Variants in CCDC172 observed in about 807,000 individuals in gnomAD.
CCDC172 encodes the protein coiled-coil domain containing 172, also known as coiled-coil domain-containing protein 172.
In CCDC172, 30 loss-of-function variants were observed where a neutral mutation model predicts 38.0. That is an observed-to-expected ratio of 0.79 (90% CI 0.59 to 1.07). The LOEUF is 1.07. Ranked by LOEUF, CCDC172 falls within the 50% of genes least tolerant of loss-of-function variation. The pLI, the probability that CCDC172 is intolerant of heterozygous loss-of-function variation, is 0.00. For synonymous variants in CCDC172, 78 were observed against 88.3 expected (o/e 0.88, Z 0.66); for missense variants, 297 against 290.1 (o/e 1.02, Z -0.17).
chr10:116,357,693 A>G, intron 6 of CCDC172, 143 bp from the exon 7 acceptor site: 1 of 662,268 alleles, frequency 1.5e-6, no homozygotes, highest in Non-Finnish European at 2.4e-6. Context: ...TGTAATTGCT[A>G]TATTAAAGTA....
At chr10:116,325,950 G>C (rs1457479658) in intron 3 of CCDC172, among the ~76,000 whole-genome samples, 2 of 152,180 alleles carry the variant, frequency 1.3e-5, no homozygotes, top group African/African-American at 2.4e-5. Flanking sequence ...ATAGAATTTT[G>C]AAGAGGCAAA....
At chr10:116,355,126 G>A (rs1015337340) in intron 5 of CCDC172, among the ~76,000 whole-genome samples, 4 of 152,090 alleles carry the variant, frequency 2.6e-5, no homozygotes, top group Non-Finnish European at 5.9e-5. Context: ...AGCAGTGTAC[G>A]GTAATGTCGT....
At chr10:116,336,656 A>G (rs1377642166) in intron 3 of CCDC172, among the ~76,000 whole-genome samples, 1 of 152,072 alleles carries the variant, frequency 6.6e-6, no homozygotes, top group Admixed American at 6.6e-5. Context: ...GGTTTTAGGT[A>G]TGTGAAATTT....
chr10:116,324,760 T>A (rs1356108041), intron 1 of CCDC172, 147 bp downstream of exon 1: 7 of 504,584 alleles, frequency 1.4e-5, no homozygotes, highest in Non-Finnish European at 2.5e-5. Context: ...GTTTGTAAAC[T>A]GTAACGGGAA....
At chr10:116,371,455 T>G (rs1845184624) in intron 7 of CCDC172, among the ~76,000 whole-genome samples, 1 of 151,906 alleles carries the variant, frequency 6.6e-6, no homozygotes, top group Non-Finnish European at 1.5e-5. Flanking sequence ...AATATTTTAT[T>G]TATAATTTTT....
chr10:116,331,200 T>G (rs903212430), intron 3 of CCDC172, among the ~76,000 whole-genome samples: 6 of 152,166 alleles, frequency 3.9e-5, no homozygotes, highest in African/African-American at 1.4e-4. Flanking sequence ...GTTTAAAAAT[T>G]TTTCAGTTTT....
At chr10:116,350,847 G>A (rs1844922505) in intron 5 of CCDC172, among the ~76,000 whole-genome samples, 1 of 151,874 alleles carries the variant, frequency 6.6e-6, no homozygotes, top group African/African-American at 2.4e-5. Flanking sequence ...TTTAGGCCGT[G>A]GAAGAAATTA....
At chr10:116,379,247 T>C in intron 8 of CCDC172, 76 bp from the exon 9 acceptor site, 4 of 743,452 alleles carry the variant, frequency 5.4e-6, no homozygotes, top group Middle Eastern at 7.2e-4. Flanking sequence ...TGTCATTAAA[T>C]TTAGGTACAT....
intron 5 of CCDC172, among the ~76,000 whole-genome samples, chr10:116,342,889 T>C (rs1844813622): frequency 6.6e-6 from 1 of 152,134 alleles, no homozygotes; most frequent in African/African-American, 2.4e-5. Flanking sequence ...ACCACGATTT[T>C]AAGTTTTCTG....
rs1161300786 is a variant in CCDC172 at position 116,378,461 on chromosome 10, T to C, written c.692T>C (p.Met231Thr). The C allele has an allele frequency of 3.7e-6, 6 of 1,603,806 alleles. No individual in the cohort carries two copies. Among genetic ancestry groups the C allele is most frequent in the Non-Finnish European group, 5.1e-6 (6 of 1,176,324 alleles). Reference sequence around the variant, plus strand: ...TTAGAACTTTATAAGGAAGATGACATGGAAAGTGTTTATGAAGCTCTCCAA... The same window carrying C: ...TTAGAACTTTATAAGGAAGATGACACGGAAAGTGTTTATGAAGCTCTCCAA... ...KELELYKEDD[M>T]ESVYEALQTE... The change falls in exon 8 of 9, where the codon ATG (methionine) becomes ACG (threonine). Residue 231 changes from methionine (M) to threonine (T), a missense_variant. Transcript: ENST00000333254.
intron 7 of CCDC172, among the ~76,000 whole-genome samples, chr10:116,375,324 C>T (rs967198641): frequency 2.8e-4 from 43 of 151,984 alleles, no homozygotes; most frequent in African/African-American, 9.6e-4. Flanking sequence ...ACTTTAAGTT[C>T]TGGGGTACAT....
chr10:116,329,411 AT>A (rs1166262874), intron 3 of CCDC172, among the ~76,000 whole-genome samples: 1 of 152,022 alleles, frequency 6.6e-6, no homozygotes, highest in African/African-American at 2.4e-5. Flanking sequence ...TCTGCTTGAA[AT>A]GCTGATTCCA....
intron 5 of CCDC172, among the ~76,000 whole-genome samples, chr10:116,347,969 C>G (rs1202578937): frequency 6.6e-6 from 1 of 151,998 alleles, no homozygotes; most frequent in Non-Finnish European, 1.5e-5. Flanking sequence ...TCTTAGTCTT[C>G]TAATGTATTA....
intron 5 of CCDC172, among the ~76,000 whole-genome samples, chr10:116,350,549 A>T (rs1428834414): frequency 6.6e-6 from 1 of 152,232 alleles, no homozygotes; most frequent in Non-Finnish European, 1.5e-5. Context: ...TTGGTAATTC[A>T]TAGATAAAAC....
At chr10:116,361,309 C>T (rs1478837952) in intron 7 of CCDC172, among the ~76,000 whole-genome samples, 4 of 151,946 alleles carry the variant, frequency 2.6e-5, no homozygotes, top group Non-Finnish European at 5.9e-5. Context: ...TTACCCAACA[C>T]GAGGTTTACC....
chr10:116,353,070 G>A (rs1020166838), intron 5 of CCDC172, among the ~76,000 whole-genome samples: 3 of 152,002 alleles, frequency 2.0e-5, no homozygotes, highest in African/African-American at 7.2e-5. Context: ...GTGGGCGCCT[G>A]TAGTCCCAGC....
intron 3 of CCDC172, among the ~76,000 whole-genome samples, chr10:116,329,861 T>C (rs575915904): frequency 1.2e-4 from 18 of 152,326 alleles, no homozygotes; most frequent in African/African-American, 3.8e-4. Context: ...AATGTTTTGA[T>C]TGAAGTGTCA....
At chr10:116,337,579 T>C (rs1047068575) in intron 3 of CCDC172, among the ~76,000 whole-genome samples, 14 of 152,226 alleles carry the variant, frequency 9.2e-5, no homozygotes, top group African/African-American at 3.1e-4. Flanking sequence ...GTCTGTATTC[T>C]TTTGGGATCT....
intron 4 of CCDC172, among the ~76,000 whole-genome samples, chr10:116,341,238 C>G (rs1328754699): frequency 2.0e-5 from 3 of 151,898 alleles, no homozygotes; most frequent in African/African-American, 7.2e-5. Context: ...GAGCCAACAG[C>G]CTGAGCAATA....
Sources: allele counts gnomAD v4.1 joint callset (sites outside exome capture counted in the v4.1 genomes callset), GRCh38; gene constraint gnomAD v4.1.1; transcripts MANE v1.5; gene names NCBI Gene and HGNC (gene_info 2026-07-23, HGNC 2026-07-21).